The following PCDHGA7 variants were observed in gnomAD, a reference collection of about 807,000 sequenced individuals.
PCDHGA7 encodes the protein protocadherin gamma subfamily A, 7, also known as protocadherin gamma-A7.
PCDHGA7 carries 44 observed loss-of-function variants against 58.3 expected under a neutral mutation model. The observed-to-expected ratio is 0.75, with a 90% CI of 0.59 to 0.97. The LOEUF (loss-of-function observed/expected upper bound fraction) is 0.97, where lower values mean the gene tolerates loss of function less well. PCDHGA7 is among the 50% of genes least tolerant of loss of function. The pLI, the probability that PCDHGA7 is intolerant of heterozygous loss-of-function variation, is 0.00. For synonymous variants in PCDHGA7, 516 were observed against 504.2 expected (o/e 1.02, Z -0.31); for missense variants, 1,266 against 1,188.7 (o/e 1.06, Z -0.96).
Position 141,409,297 on chromosome 5 carries a change from T to TGTGAATG in PCDHGA7, c.2424+23976_2424+23977insGAATGGT, listed in dbSNP as rs774936669. On this transcript the variant is annotated intron_variant, in intron 1 of 3. Transcript: ENST00000518325. ...TGGAGAATTCACCTCCAGGAATGGT[T>TGTGAATG]GTTGCCCTCTTCAAAACACGGGATC... The TGTGAATG allele has an allele frequency of 1.3e-5, 21 of 1,613,888 alleles. No homozygotes were observed. In the African/African-American group the frequency reaches 2.7e-4, roughly 21 times the overall value.
chr5:141,395,363 T>C (rs2093221465), intron 1 of PCDHGA7: 2 of 1,278,044 alleles, frequency 1.6e-6, no homozygotes, highest in Admixed American at 5.9e-5. Context: ...GTTTTGGGTT[T>C]ATTTTGGTGG....
intron 1 of PCDHGA7, chr5:141,416,406 T>C (rs2096021956): frequency 6.6e-6 from 1 of 152,224 alleles, no homozygotes; most frequent in Non-Finnish European, 1.5e-5. Flanking sequence ...TTGTCTTTTT[T>C]GTTAAATTTT....
At chr5:141,409,995 C>A (rs777416137) in intron 1 of PCDHGA7, 2 of 1,613,308 alleles carry the variant, frequency 1.2e-6, no homozygotes, top group Admixed American at 3.3e-5. Flanking sequence ...GACGCCGACT[C>A]GGGACACAAC....
At chr5:141,430,557 G>C (rs1161595629) in intron 1 of PCDHGA7, 5 of 412,906 alleles carry the variant, frequency 1.2e-5, no homozygotes, top group Non-Finnish European at 1.7e-5. Context: ...TTCACCAATC[G>C]GGGAGAGAAA....
chr5:141,412,050 A>G (rs1465943762), intron 1 of PCDHGA7: 1 of 152,222 alleles, frequency 6.6e-6, no homozygotes, highest in African/African-American at 2.4e-5. Flanking sequence ...GTGAACTTCT[A>G]TACCCTTTGC....
intron 1 of PCDHGA7, chr5:141,478,866 C>T (rs1392885307): frequency 1.5e-6 from 2 of 1,304,352 alleles, no homozygotes; most frequent in Non-Finnish European, 2.0e-6. Flanking sequence ...TCTCAGCGAT[C>T]AGAGTTTAGC....
chr5:141,483,756 G>C (rs11739909), intron 1 of PCDHGA7, among the ~76,000 whole-genome samples: 24,641 of 152,020 alleles, frequency 0.16, 2,128 homozygotes, highest in African/African-American at 0.22. Context: ...GAGGATCGAG[G>C]CTTGGAAAAA....
intron 1 of PCDHGA7, chr5:141,423,804 T>A: frequency 8.1e-7 from 1 of 1,240,508 alleles, no homozygotes; most frequent in Non-Finnish European, 1.0e-6. Context: ...GAGCAATACA[T>A]GTGAGTTTTA....
In PCDHGA7 at chr5:141,384,149, T is replaced by G. The variant is rs1361199282; in HGVS notation, c.1250T>G (p.Leu417Trp). ...TKNLDRETLSLYNITLKATDG... is the reference protein window; with the variant it reads ...TKNLDRETLSWYNITLKATDG... ...AACTTGGACCGGGAAACACTCTCTT[T>G]GTATAACATCACACTGAAAGCCACA... Residue 417 changes from leucine (L) to tryptophan (W), a missense_variant, in exon 1 of 4, where the codon TTG becomes TGG. By Grantham distance (61) the Leu-to-Trp change is moderately conservative. Transcript: ENST00000518325. 1 of 1,613,252 alleles carries G rather than the reference T, an allele frequency of 6.2e-7. No individual in the cohort carries two copies. The highest frequency in any genetic ancestry group is 8.5e-7 in the Non-Finnish European group (1 of 1,179,648).
chr5:141,400,521 G>A (rs1462677478), intron 1 of PCDHGA7: 5 of 1,613,972 alleles, frequency 3.1e-6, no homozygotes, highest in Non-Finnish European at 4.2e-6. Context: ...CCCATCCTGA[G>A]TTGGTGAGTT....
In PCDHGA7 at chr5:141,511,233, T is replaced by C. The variant is rs776405064; in HGVS notation, c.*60T>C. 5.0e-6 allele frequency: 8 copies of C among 1,595,310 alleles called. No homozygotes were observed. Among genetic ancestry groups the C allele is most frequent in the Non-Finnish European group, 6.8e-6 (8 of 1,170,902 alleles). On this transcript the variant is annotated 3_prime_UTR_variant, in exon 4 of 4. Transcript: ENST00000518325. ...CTCCCCAACCAGCCCAGCTTCTCCT[T>C]ACCTGCACCCAGGCCTCAGAGTTTC...
At chr5:141,434,561 G>A (rs2097702856) in intron 1 of PCDHGA7, among the ~76,000 whole-genome samples, 1 of 152,188 alleles carries the variant, frequency 6.6e-6, no homozygotes, top group Non-Finnish European at 1.5e-5. Flanking sequence ...GTGCCTTAAG[G>A]ACATGCCCCT....
chr5:141,402,901 T>TG, intron 1 of PCDHGA7: 1 of 1,520,230 alleles, frequency 6.6e-7, no homozygotes, highest in Non-Finnish European at 8.8e-7. Context: ...AAGAACCTGA[T>TG]GAAGCAGCGC....
rs1391017504 is a variant in PCDHGA7 at position 141,490,732 on chromosome 5, G to GTTCAGGGAGCCCCAGCCTCCTCCT, written c.2425-4072_2425-4049dup. 6.2e-7 allele frequency: 1 copy of GTTCAGGGAGCCCCAGCCTCCTCCT among 1,614,070 alleles called. No individual in the cohort carries two copies. Among genetic ancestry groups the GTTCAGGGAGCCCCAGCCTCCTCCT allele is most frequent in the Non-Finnish European group, 8.5e-7 (1 of 1,180,050 alleles). On this transcript the variant is annotated intron_variant, in intron 1 of 3. Coordinates refer to ENST00000518325, the MANE Select transcript of PCDHGA7 (RefSeq NM_018920.4). This position sits in a 1 kb window ranked among gnomAD's most constrained non-coding sequence, Gnocchi z 5.4. ...CACCTACTCCATTGTAGGAAATCAG[G>GTTCAGGGAGCCCCAGCCTCCTCCT]TTCAGGGAGCCCCAGCCTCCTCCTT...
intron 1 of PCDHGA7, chr5:141,389,977 C>T: frequency 6.2e-7 from 1 of 1,614,054 alleles, no homozygotes; most frequent in South Asian, 1.1e-5. Flanking sequence ...GCCTTGATCT[C>T]AGTGCTCTTC....
intron 1 of PCDHGA7, among the ~76,000 whole-genome samples, chr5:141,468,738 T>C (rs965510711): frequency 3.0e-4 from 46 of 151,958 alleles, no homozygotes; most frequent in South Asian, 2.1e-3. Flanking sequence ...TGGTGGCGGG[T>C]GCCTGTAGTC....
At position 141,399,350 on chromosome 5, in the gene PCDHGA7, G is replaced by A. The variant is rs746925566; in HGVS notation, c.2424+14027G>A. On this transcript the variant is annotated intron_variant, in intron 1 of 3. Transcript: ENST00000518325. ...TTGGTAACAGATGGAACCCTAGACC[G>A]AGAGCAAACCCCGGAGTACAATGTC... is the stretch of plus-strand genomic sequence containing the variant. The A allele has an allele frequency of 6.8e-6, 11 of 1,613,966 alleles. No individual in the cohort carries two copies. The South Asian group carries it at 1.1e-4, about 16-fold the overall frequency.
chr5:141,496,440 A>G (rs2099768848), intron 2 of PCDHGA7, among the ~76,000 whole-genome samples: 1 of 152,158 alleles, frequency 6.6e-6, no homozygotes, highest in South Asian at 2.1e-4. Flanking sequence ...AAGTTGCTAC[A>G]GATGCTGAGC....
intron 1 of PCDHGA7, among the ~76,000 whole-genome samples, chr5:141,401,385 T>A (rs965055223): frequency 6.6e-6 from 1 of 152,182 alleles, no homozygotes; most frequent in Non-Finnish European, 1.5e-5. Flanking sequence ...AGAAAAATAC[T>A]ACATGTTATG....
Sources: allele counts gnomAD v4.1 joint callset (sites outside exome capture counted in the v4.1 genomes callset), GRCh38; gene constraint gnomAD v4.1.1; non-coding constraint Gnocchi (gnomAD v3.1); transcripts MANE v1.5; gene names NCBI Gene and HGNC (gene_info 2026-07-23, HGNC 2026-07-21).